Variants in IGF2BP3 observed in about 807,000 individuals in gnomAD.
The protein encoded by IGF2BP3 is insulin-like growth factor 2 mRNA-binding protein 3.
Under a neutral mutation model 73.8 loss-of-function variants are expected in IGF2BP3, and 9 were observed. The observed-to-expected ratio is 0.12, with a 90% CI of 0.07 to 0.21. IGF2BP3 has a LOEUF of 0.21. Ranked by LOEUF, IGF2BP3 falls within the 10% of genes least tolerant of loss-of-function variation. The probability of loss-of-function intolerance (pLI) is 1.00; values close to 1 mark genes in which losing one functional copy is unlikely to be tolerated. For synonymous variants in IGF2BP3, 258 were observed against 256.7 expected (o/e 1.01, Z -0.05); for missense variants, 542 against 714.0 (o/e 0.76, Z 2.75).
chr7:23,358,888 C>T (rs955754865), intron 5 of IGF2BP3, among the ~76,000 whole-genome samples: 3 of 152,100 alleles, frequency 2.0e-5, no homozygotes, highest in African/African-American at 4.8e-5. Context: ...CTTATAAGGC[C>T]GCTTGACAGG....
chr7:23,468,656 C>T, intron 1 of IGF2BP3, 114 bp from the exon 2 acceptor site: 1 of 1,028,388 alleles, frequency 9.7e-7, no homozygotes, highest in Non-Finnish European at 1.5e-6. Context: ...TCGAAGGGCC[C>T]CCGAGGCCCG....
intron 3 of IGF2BP3, among the ~76,000 whole-genome samples, chr7:23,400,924 C>T (rs193125646): frequency 1.3e-5 from 2 of 152,240 alleles, no homozygotes; most frequent in African/African-American, 2.4e-5. Flanking sequence ...CTCAGCCTCC[C>T]GAGTAGCTGG....
At chr7:23,378,358 CAA>C (rs397955498) in intron 3 of IGF2BP3, among the ~76,000 whole-genome samples, 4 of 124,194 alleles carry the variant, frequency 3.2e-5, no homozygotes, top group Non-Finnish European at 1.7e-5. Flanking sequence ...AGATAGTTTT[CAA>C]AAAAAAAAAA....
At chr7:23,426,320 CAA>C (rs1195063330) in intron 2 of IGF2BP3, among the ~76,000 whole-genome samples, 3,807 of 46,010 alleles carry the variant, frequency 0.083, 158 homozygotes, top group African/African-American at 0.18. Context: ...AATTCTGTCT[CAA>C]AAAAAAAAAA....
chr7:23,405,642 G>A (rs911441239), intron 3 of IGF2BP3, among the ~76,000 whole-genome samples: 1 of 152,172 alleles, frequency 6.6e-6, no homozygotes, highest in African/African-American at 2.4e-5. Context: ...ATGGAAGTGC[G>A]TACCCTATTG....
intron 2 of IGF2BP3, among the ~76,000 whole-genome samples, chr7:23,465,098 A>G (rs916598473): frequency 6.6e-6 from 1 of 152,212 alleles, no homozygotes; most frequent in African/African-American, 2.4e-5. Flanking sequence ...ATAACAAAAA[A>G]GGACATCAGT....
At chr7:23,440,053 G>A (rs140772313) in intron 2 of IGF2BP3, among the ~76,000 whole-genome samples, 6 of 152,232 alleles carry the variant, frequency 3.9e-5, no homozygotes, top group African/African-American at 1.4e-4. Context: ...CACGAGGTCA[G>A]GAGATCGAGA....
intron 1 of IGF2BP3, 110 bp from the exon 2 acceptor site, chr7:23,468,652 G>A (rs1048837032): frequency 1.9e-6 from 2 of 1,052,618 alleles, no homozygotes; most frequent in African/African-American, 3.2e-5. Context: ...GCCCTCGAAG[G>A]GCCCCCGAGG....
intron 5 of IGF2BP3, among the ~76,000 whole-genome samples, chr7:23,354,922 G>A (rs987871418): frequency 3.9e-5 from 6 of 152,178 alleles, no homozygotes; most frequent in Admixed American, 3.3e-4. Context: ...AAAGGTACAG[G>A]AGGAACCTAA....
At chr7:23,375,059 A>G (rs1051400746) in intron 3 of IGF2BP3, among the ~76,000 whole-genome samples, 9 of 152,220 alleles carry the variant, frequency 5.9e-5, no homozygotes, top group Non-Finnish European at 8.8e-5. Flanking sequence ...CCAAAGAGCA[A>G]TATTTGTTGA....
At chr7:23,327,437 C>T (rs1248276028) in intron 10 of IGF2BP3, among the ~76,000 whole-genome samples, 4 of 151,960 alleles carry the variant, frequency 2.6e-5, no homozygotes, top group Non-Finnish European at 4.4e-5. Context: ...CCCACCATCA[C>T]GCCCGGCTAA....
At position 23,333,365 on chromosome 7, in the gene IGF2BP3, T is replaced by C. The variant is rs76192809; in HGVS notation, c.1203+8699A>G. Among the ~76,000 whole-genome samples, 637 of 152,308 alleles carry C rather than the reference T, an allele frequency of 4.2e-3. 2 individuals are homozygous for C. The highest frequency in any genetic ancestry group is 0.015 in the South Asian group (70 of 4,822). On this transcript the variant is annotated intron_variant, in intron 10 of 14. Coordinates refer to ENST00000258729, the MANE Select transcript of IGF2BP3 (RefSeq NM_006547.3). ...CCCAGAGAACACTAATGTAGCAGCA[T>C]CCTCCTCAGAGTGAAAGCCTGGCCC...
chr7:23,359,511 A>T (rs1039460663), intron 5 of IGF2BP3, among the ~76,000 whole-genome samples: 1 of 152,192 alleles, frequency 6.6e-6, no homozygotes, highest in African/African-American at 2.4e-5. Context: ...ATATTTTCCA[A>T]CAGGGACTTG....
chr7:23,436,754 T>TG (rs747342207), intron 2 of IGF2BP3, among the ~76,000 whole-genome samples: 15 of 152,246 alleles, frequency 9.9e-5, no homozygotes, highest in Non-Finnish European at 1.5e-4. Flanking sequence ...CAGTGTTAGA[T>TG]GTCCTTCCTT....
At chr7:23,392,407 A>AG (rs1181709039) in intron 3 of IGF2BP3, among the ~76,000 whole-genome samples, 2 of 151,030 alleles carry the variant, frequency 1.3e-5, no homozygotes, top group Admixed American at 1.3e-4. Flanking sequence ...TGGAAGAAAA[A>AG]AAAAAAGACA....
Position 23,351,452 on chromosome 7 carries a change from G to T in IGF2BP3, c.536C>A (p.Ser179Tyr), listed in dbSNP as rs375685826. The T allele has an allele frequency of 4.3e-6, 7 of 1,613,666 alleles. No individual in the cohort carries two copies. Among genetic ancestry groups the T allele is most frequent in the Non-Finnish European group, 5.1e-6 (6 of 1,179,882 alleles). The change falls in exon 6 of 15, where the codon TCC (serine) becomes TAC (tyrosine). Residue 179 changes from serine (S) to tyrosine (Y), a missense_variant. Physicochemically the swap from Ser to Tyr is moderately radical, Grantham distance 144 (BLOSUM62 -2). Coordinates refer to ENST00000258729, the MANE Select transcript of IGF2BP3 (RefSeq NM_006547.3). The part of the protein sequence containing the change: ...RGRRGLGQRG[S>Y]SRQGSPGSVS... The stretch of plus-strand genomic sequence containing the variant: ...GGATCCTGGAGACCCCTGCCTTGAG[G>T]AGCCCCTCTGCCCAAGCCCCCGGCG...
At chr7:23,357,657 C>T (rs1785129099) in intron 5 of IGF2BP3, among the ~76,000 whole-genome samples, 1 of 152,182 alleles carries the variant, frequency 6.6e-6, no homozygotes, top group Admixed American at 6.5e-5. Context: ...TAAACACATA[C>T]TTCCATTTTT....
intron 2 of IGF2BP3, among the ~76,000 whole-genome samples, chr7:23,446,765 T>C (rs1182358777): frequency 6.6e-6 from 1 of 152,016 alleles, no homozygotes; most frequent in East Asian, 1.9e-4. Context: ...AAATAGTAAC[T>C]TTACCCTGAA....
intron 3 of IGF2BP3, among the ~76,000 whole-genome samples, chr7:23,398,603 T>C (rs1183545206): frequency 6.6e-6 from 1 of 152,214 alleles, no homozygotes; most frequent in African/African-American, 2.4e-5. Context: ...ATGATTGCCA[T>C]TTTAACTGGT....
Sources: allele counts gnomAD v4.1 joint callset (sites outside exome capture counted in the v4.1 genomes callset), GRCh38; gene constraint gnomAD v4.1.1; transcripts MANE v1.5; gene names NCBI Gene and HGNC (gene_info 2026-07-23, HGNC 2026-07-21).